IAH1: variants seen among roughly 807,000 people sequenced by gnomAD.
IAH1 encodes isoamyl acetate hydrolyzing esterase 1 (putative).
Under a neutral mutation model 26.7 loss-of-function variants are expected in IAH1, and 24 were observed. The ratio of observed to expected loss-of-function variants is 0.90; its 90% CI spans 0.65 to 1.26. The LOEUF is 1.26. IAH1 is among the 50% of genes most tolerant of loss of function. IAH1 has a pLI of 0.00. For synonymous variants in IAH1, 140 were observed against 118.5 expected (o/e 1.18, Z -1.18); for missense variants, 300 against 299.9 (o/e 1.00, Z 0.00).
At chr2:9,501,837 G>GGT in the IAH1 span, among the ~76,000 whole-genome samples, 1 of 151,870 alleles carries the variant, frequency 6.6e-6, no homozygotes, top group Admixed American at 6.6e-5. Flanking sequence ...GTAAATTTAA[G>GGT]GTAGAATATC....
At chr2:9,498,696 T>C (rs781651125), downstream of IAH1, among the ~76,000 whole-genome samples, 13 of 152,234 alleles carry the variant, frequency 8.5e-5, no homozygotes, top group Non-Finnish European at 1.8e-4. Flanking sequence ...GCATTCATCA[T>C]GTCAACAGTC....
intron 2 of IAH1, 55 bp from the exon 3 acceptor site, chr2:9,478,167 G>A: frequency 6.6e-7 from 1 of 1,511,168 alleles, no homozygotes; most frequent in Non-Finnish European, 9.0e-7. Flanking sequence ...GCCGGTTACT[G>A]CGACCATAAA....
Position 9,478,287 on chromosome 2 carries a change from C to T in IAH1, c.200C>T (p.Pro67Leu). 6.2e-7 allele frequency: 1 copy of T among 1,613,348 alleles called. No individual in the cohort carries two copies. The highest frequency in any genetic ancestry group is 8.5e-7 in the Non-Finnish European group (1 of 1,179,558). The change falls in exon 3 of 6, where the codon CCA becomes CTA. Residue 67 changes from proline to leucine, a missense_variant. By Grantham distance (98) the Pro-to-Leu change is moderately conservative (BLOSUM62 -3). Transcript: ENST00000497473. ...YNTRWAKIIL[P>L]RLIRKGNSLD... ...ACCAGGTGGGCCAAAATTATCCTTC[C>T]AAGATTAATCAGGAAAGGAAACAGT...
chr2:9,475,123 G>A lies in IAH1; in HGVS notation c.81+476G>A, dbSNP rs1682407449. The A allele has an allele frequency of 3.1e-6, 4 of 1,275,216 alleles. No individual in the cohort carries two copies. The South Asian group carries it at 5.0e-5, about 16-fold the overall frequency. 79.0% of individuals were successfully genotyped at this position (1,275,216 alleles called of 1,614,324 possible). The stretch of plus-strand genomic sequence containing the variant: ...GTGGGGCCGTTAGGGGTTGACCTTG[G>A]AAGTAAAACGCCTTCAGGAATTAGG... On this transcript the variant is annotated intron_variant, in intron 1 of 5. Transcript: ENST00000497473.
In IAH1 at chr2:9,484,768, T is replaced by C. The variant is rs1326252001; in HGVS notation, c.564+218T>C. The stretch of plus-strand genomic sequence containing the variant: ...TTCAGCCAGGCTCCTTGGCTAGGAG[T>C]TAGTGCGCAGTGACATCAATGAGCA... On this transcript the variant is annotated intron_variant, in intron 5 of 5. Transcript: ENST00000497473. 5 of 519,698 alleles carry C rather than the reference T, an allele frequency of 9.6e-6. No homozygotes were observed. The African/African-American group carries it at 9.6e-5, about 10-fold the overall frequency. The allele number at this position is 519,698 out of a possible 1,614,324, so 32.2% of individuals were successfully genotyped here. A position where few individuals can be genotyped will look rare whatever the true frequency, so the allele number is the denominator to read the frequency against.
the IAH1 span, chr2:9,505,297 T>C: frequency 2.3e-5 from 37 of 1,614,226 alleles, no homozygotes; most frequent in East Asian, 5.1e-4. Context: ...TGCTGCGTTC[T>C]TGAAAACACT....
intron 4 of IAH1, 114 bp downstream of exon 4, chr2:9,481,561 C>G (rs1481969525): frequency 1.2e-5 from 10 of 865,190 alleles, no homozygotes; most frequent in Admixed American, 7.8e-5. Flanking sequence ...CTCGGTATGT[C>G]CATTTCAGTC....
chr2:9,480,984 C>G (rs1047525059), intron 3 of IAH1: 1 of 238,358 alleles, frequency 4.2e-6, no homozygotes, highest in Non-Finnish European at 8.1e-6. Flanking sequence ...CCGTCTCACC[C>G]AACAGGGTGG....
chr2:9,474,684 C>T lies in IAH1; in HGVS notation c.81+37C>T. On this transcript the variant is annotated intron_variant, in intron 1 of 5. Transcript: ENST00000497473. This position sits in a 1 kb window ranked among gnomAD's most constrained non-coding sequence, Gnocchi z 4.3. ...CCGACGCTCGGCCTCCCGCCCCGGC[C>T]TCCCTGCGGGGTCGCTGCCGAGCAG... is the stretch of plus-strand genomic sequence containing the variant. The T allele has an allele frequency of 6.8e-7, 1 of 1,463,590 alleles. No individual in the cohort carries two copies. The highest frequency in any genetic ancestry group is 9.2e-7 in the Non-Finnish European group (1 of 1,085,168). 90.7% of individuals were successfully genotyped at this position (1,463,590 alleles called of 1,614,324 possible). A position where few individuals can be genotyped will look rare whatever the true frequency, so the allele number is the denominator to read the frequency against.
chr2:9,494,243 T>G (rs1334218551), downstream of IAH1, among the ~76,000 whole-genome samples: 1 of 152,204 alleles, frequency 6.6e-6, no homozygotes, highest in African/African-American at 2.4e-5. Context: ...CTGGCTTAAG[T>G]AAGTCAAGCA....
upstream of IAH1, chr2:9,474,507 G>A: frequency 9.5e-7 from 1 of 1,052,378 alleles, no homozygotes; most frequent in Non-Finnish European, 1.3e-6. The surrounding 1 kb of genome is among the most constrained non-coding windows in gnomAD (Gnocchi z 4.3). Context: ...ACCCACGGGC[G>A]GCCACTGCGC....
the IAH1 span, chr2:9,509,864 G>T: frequency 7.5e-7 from 1 of 1,327,670 alleles, no homozygotes; most frequent in Non-Finnish European, 1.0e-6. Flanking sequence ...TTTGTAATTT[G>T]CACATCCATC....
At position 9,488,467 on chromosome 2, in the gene IAH1, A is replaced by G. The variant is rs115740862; in HGVS notation, c.*138A>G. 13,864 of 609,224 alleles carry G rather than the reference A, an allele frequency of 0.023. 219 individuals carry two copies. Among genetic ancestry groups the G allele is most frequent in the Non-Finnish European group, 0.03 (11,051 of 373,708 alleles). The allele number at this position is 609,224 out of a possible 1,614,324, so 37.7% of individuals were successfully genotyped here. A position where few individuals can be genotyped will look rare whatever the true frequency, so the allele number is the denominator to read the frequency against. On this transcript the variant is annotated 3_prime_UTR_variant, in exon 6 of 6. Transcript: ENST00000497473. ...AAAGTATTAGATGATTTTTCAGGGA[A>G]GTTTTATACTTAGGTCCATTGTGTT...
chr2:9,491,257 G>A, downstream of IAH1: 4 of 1,033,334 alleles, frequency 3.9e-6, no homozygotes, highest in Non-Finnish European at 5.7e-6. Context: ...CTTAGAACCT[G>A]AGTTGTAGAA....
chr2:9,504,763 GAAAAA>G, the IAH1 span, among the ~76,000 whole-genome samples: 30 of 117,798 alleles, frequency 2.5e-4, no homozygotes, highest in South Asian at 2.2e-3. Context: ...TCTGTCTCAG[GAAAAA>G]AAAAAAAAAA....
chr2:9,493,960 A>C, downstream of IAH1: 1 of 662,300 alleles, frequency 1.5e-6, no homozygotes, highest in Non-Finnish European at 2.5e-6. Context: ...ACACAAGGCA[A>C]TAACTTCCGC....
the IAH1 span, among the ~76,000 whole-genome samples, chr2:9,501,646 T>C: frequency 6.6e-6 from 1 of 152,234 alleles, no homozygotes; most frequent in African/African-American, 2.4e-5. Context: ...TTCTAACTTG[T>C]ATCCTGCTTC....
chr2:9,505,276 A>G, the IAH1 span: 3 of 1,614,148 alleles, frequency 1.9e-6, no homozygotes, highest in East Asian at 6.7e-5. Flanking sequence ...TCGAGTTCCC[A>G]CAAACTTTAT....
intron 3 of IAH1, among the ~76,000 whole-genome samples, chr2:9,478,919 C>T (rs961573394): frequency 2.4e-4 from 36 of 152,184 alleles, no homozygotes; most frequent in Non-Finnish European, 8.8e-5. Context: ...AAGCCTTCTG[C>T]GTGCTATCGA....
Sources: gnomAD v4.1 joint callset for allele counts (sites outside exome capture counted in the v4.1 genomes callset) on GRCh38, gnomAD v4.1.1 for gene constraint, Gnocchi (gnomAD v3.1) non-coding constraint, MANE v1.5 for transcripts, NCBI Gene and HGNC (gene_info 2026-07-23, HGNC 2026-07-21) for gene names.